The following HHAT variants were observed in gnomAD, a reference collection of about 807,000 sequenced individuals.
The protein encoded by HHAT is hedgehog acyltransferase.
A neutral mutation model predicts 70.8 loss-of-function variants in HHAT; 47 were observed. That is an observed-to-expected ratio of 0.66 (90% CI 0.53 to 0.85). The LOEUF (loss-of-function observed/expected upper bound fraction) is 0.85, where lower values mean the gene tolerates loss of function less well. HHAT is among the 40% of genes least tolerant of loss of function. The pLI, the probability that HHAT is intolerant of heterozygous loss-of-function variation, is 0.00. For missense variants in HHAT, 609 were observed against 604.8 expected, an observed-to-expected ratio of 1.01 and a Z score of -0.07; for synonymous variants, 228 against 247.6, an observed-to-expected ratio of 0.92 and a Z score of 0.74.
At chr1:210,445,146 A>G (rs1289824234) in intron 7 of HHAT, among the ~76,000 whole-genome samples, 2 of 152,102 alleles carry the variant, frequency 1.3e-5, no homozygotes, top group East Asian at 3.9e-4. Flanking sequence ...CCAACACACA[A>G]ACGAGTTTCA....
chr1:210,557,615 G>A (rs982891850), intron 9 of HHAT, among the ~76,000 whole-genome samples: 2 of 152,114 alleles, frequency 1.3e-5, no homozygotes, highest in African/African-American at 4.8e-5. Flanking sequence ...GGTGGTGAAA[G>A]GCACTTCTTA....
At chr1:210,415,864 G>A (rs891205907) in intron 6 of HHAT, among the ~76,000 whole-genome samples, 3 of 151,926 alleles carry the variant, frequency 2.0e-5, no homozygotes, top group Non-Finnish European at 2.9e-5. Flanking sequence ...TCACCATGTC[G>A]GCCAGGCTGG....
At chr1:210,464,779 C>A in intron 8 of HHAT, 124 bp downstream of exon 8, 2 of 942,724 alleles carry the variant, frequency 2.1e-6, no homozygotes, top group Non-Finnish European at 3.2e-6. Flanking sequence ...CATTTGGCAT[C>A]CATTTCTTCA....
At chr1:210,362,185 C>A (rs755455580) in intron 2 of HHAT, among the ~76,000 whole-genome samples, 1 of 151,902 alleles carries the variant, frequency 6.6e-6, no homozygotes, top group Non-Finnish European at 1.5e-5. Context: ...AGCATTATAT[C>A]ATAGCGGATC....
intron 9 of HHAT, among the ~76,000 whole-genome samples, chr1:210,530,512 G>T (rs1458750919): frequency 1.3e-5 from 2 of 152,172 alleles, no homozygotes; most frequent in Non-Finnish European, 2.9e-5. Flanking sequence ...TGACAGTACC[G>T]GCAGGGACTT....
At chr1:210,392,122 G>T (rs2148162482) in intron 4 of HHAT, among the ~76,000 whole-genome samples, 1 of 152,258 alleles carries the variant, frequency 6.6e-6, no homozygotes, top group South Asian at 2.1e-4. Context: ...TCCCATTTCA[G>T]CATCCCAAAG....
At chr1:210,464,791 C>G in intron 8 of HHAT, 136 bp downstream of exon 8, 1 of 826,544 alleles carries the variant, frequency 1.2e-6, no homozygotes. Flanking sequence ...ATTTCTTCAT[C>G]CTACTAACAG....
chr1:210,409,632 T>C (rs2092458232), intron 6 of HHAT, among the ~76,000 whole-genome samples: 2 of 152,222 alleles, frequency 1.3e-5, no homozygotes, highest in Admixed American at 6.5e-5. Context: ...GGTGGCCCAG[T>C]TGAATATCTG....
chr1:210,465,674 A>G (rs985580603), intron 8 of HHAT, among the ~76,000 whole-genome samples: 1 of 152,256 alleles, frequency 6.6e-6, no homozygotes, highest in Non-Finnish European at 1.5e-5. Flanking sequence ...CAGGTAGGGG[A>G]AGAGCTCAAT....
chr1:210,377,032 T>C (rs2090281359), intron 3 of HHAT, among the ~76,000 whole-genome samples: 1 of 152,246 alleles, frequency 6.6e-6, no homozygotes, highest in South Asian at 2.1e-4. Flanking sequence ...ATCAGCTTTC[T>C]TGCATATGTG....
chr1:210,504,418 A>C (rs2094814945), intron 8 of HHAT, among the ~76,000 whole-genome samples: 1 of 152,214 alleles, frequency 6.6e-6, no homozygotes, highest in African/African-American at 2.4e-5. Flanking sequence ...ACAGTTAAGA[A>C]AACAAGGCCA....
chr1:210,327,516 AT>A (rs2084662512), upstream of HHAT, among the ~76,000 whole-genome samples: 1 of 152,022 alleles, frequency 6.6e-6, no homozygotes, highest in Non-Finnish European at 1.5e-5. Context: ...TTATTTACTT[AT>A]TTTTTTGAGA....
intron 10 of HHAT, among the ~76,000 whole-genome samples, chr1:210,610,563 TG>T (rs1666377181): frequency 6.6e-6 from 1 of 152,338 alleles, no homozygotes; most frequent in African/African-American, 2.4e-5. Flanking sequence ...CAATTGCTTT[TG>T]GGGATTTTGT....
At chr1:210,420,671 A>G (rs536603361) in intron 7 of HHAT, among the ~76,000 whole-genome samples, 12 of 134,208 alleles carry the variant, frequency 8.9e-5, no homozygotes, top group African/African-American at 3.1e-4. Flanking sequence ...AAAATTTAAA[A>G]AAACAAAAAA....
At chr1:210,570,417 G>A (rs1458964759) in intron 9 of HHAT, among the ~76,000 whole-genome samples, 1 of 152,200 alleles carries the variant, frequency 6.6e-6, no homozygotes, top group Non-Finnish European at 1.5e-5. Context: ...TTTAAGAGTG[G>A]TGTTGGGCAT....
At chr1:210,382,518 C>A (rs1447134631) in intron 3 of HHAT, among the ~76,000 whole-genome samples, 1 of 152,160 alleles carries the variant, frequency 6.6e-6, no homozygotes, top group East Asian at 1.9e-4. Flanking sequence ...ATCTAGGAGA[C>A]AGATTTAAGT....
chr1:210,528,945 C>A (rs2148627998), intron 9 of HHAT, among the ~76,000 whole-genome samples: 1 of 152,240 alleles, frequency 6.6e-6, no homozygotes, highest in Non-Finnish European at 1.5e-5. Flanking sequence ...GCCTTGGAAC[C>A]TTGGGGATAG....
intron 3 of HHAT, among the ~76,000 whole-genome samples, chr1:210,368,999 A>G (rs1571929192): frequency 6.6e-6 from 1 of 151,444 alleles, no homozygotes; most frequent in Non-Finnish European, 1.5e-5. Context: ...AATCGCTTGA[A>G]CCCGGGAGGC....
At chr1:210,430,989 G>A (rs1325828676) in intron 7 of HHAT, among the ~76,000 whole-genome samples, 1 of 151,692 alleles carries the variant, frequency 6.6e-6, no homozygotes, top group African/African-American at 2.4e-5. Context: ...TGCAATCTTT[G>A]TTAGTCTGAT....
Sources: gnomAD v4.1 joint callset for allele counts (sites outside exome capture counted in the v4.1 genomes callset) on GRCh38, gnomAD v4.1.1 for gene constraint, MANE v1.5 for transcripts, NCBI Gene and HGNC (gene_info 2026-07-23, HGNC 2026-07-21) for gene names.